The following ARHGAP8 variants were observed in gnomAD, a reference collection of about 807,000 sequenced individuals.
The protein encoded by ARHGAP8 is Rho GTPase activating protein 8, also known as rho GTPase-activating protein 8.
A neutral mutation model predicts 46.1 loss-of-function variants in ARHGAP8; 62 were observed. That is an observed-to-expected ratio of 1.34 (90% CI 1.10 to 1.66). The LOEUF is 1.66. Among genes scored for constraint, ARHGAP8 ranks in the 40% most tolerant of loss-of-function variants. ARHGAP8 has a pLI of 0.00. For synonymous variants in ARHGAP8, 375 were observed against 243.1 expected (o/e 1.54, Z -5.05); for missense variants, 923 against 568.4 (o/e 1.62, Z -6.34).
chr22:44,819,542 A>G (rs1307887243), intron 5 of ARHGAP8, among the ~76,000 whole-genome samples: 1 of 152,108 alleles, frequency 6.6e-6, no homozygotes, highest in Non-Finnish European at 1.5e-5. Context: ...GAGTGGTGGC[A>G]GGCGCCTGTA....
At chr22:44,804,353 A>C (rs902925696) in intron 3 of ARHGAP8, among the ~76,000 whole-genome samples, 1 of 151,766 alleles carries the variant, frequency 6.6e-6, no homozygotes, top group Non-Finnish European at 1.5e-5. Flanking sequence ...TAGCGAGAGC[A>C]GCACCTCTGC....
intron 3 of ARHGAP8, among the ~76,000 whole-genome samples, chr22:44,805,195 C>T (rs986357748): frequency 6.6e-6 from 1 of 152,154 alleles, no homozygotes; most frequent in Non-Finnish European, 1.5e-5. Context: ...CAGCTCTCCC[C>T]GAGGAGGCTG....
intron 2 of ARHGAP8, chr22:44,801,760 G>T: frequency 3.0e-6 from 1 of 332,108 alleles, no homozygotes; most frequent in Non-Finnish European, 5.6e-6. Flanking sequence ...GAAGTCAGAT[G>T]CGTCTCGATT....
chr22:44,766,237 G>A (rs4823371), intron 1 of ARHGAP8: 25,799 of 152,984 alleles, frequency 0.17, 2,348 homozygotes, highest in Middle Eastern at 0.21. Flanking sequence ...GCTGTGGGGC[G>A]GGGCGGGCAG....
chr22:44,861,496 A>C (rs756932844), intron 11 of ARHGAP8, among the ~76,000 whole-genome samples: 41 of 152,082 alleles, frequency 2.7e-4, no homozygotes, highest in East Asian at 5.8e-4. Flanking sequence ...GCATCCAGCC[A>C]TCTCACCTGA....
chr22:44,784,502 C>T (rs1041926538), intron 1 of ARHGAP8, among the ~76,000 whole-genome samples: 9 of 152,160 alleles, frequency 5.9e-5, no homozygotes, highest in Non-Finnish European at 8.8e-5. Context: ...TTGAACAATA[C>T]GGGAGAATGT....
At chr22:44,841,950 C>A (rs1160731214) in intron 7 of ARHGAP8, among the ~76,000 whole-genome samples, 1 of 152,204 alleles carries the variant, frequency 6.6e-6, no homozygotes, top group Non-Finnish European at 1.5e-5. Context: ...CCGTGTGGCT[C>A]CTGATCAGCA....
intron 10 of ARHGAP8, among the ~76,000 whole-genome samples, chr22:44,859,174 A>AATTCAGGTGATGATAG (rs1424675827): frequency 6.6e-6 from 1 of 152,124 alleles, no homozygotes; most frequent in Non-Finnish European, 1.5e-5. Context: ...GAGCTTGTAG[A>AATTCAGGTGATGATAG]ATTCAGGTGA....
intron 1 of ARHGAP8, among the ~76,000 whole-genome samples, chr22:44,754,197 G>A (rs9626240): frequency 0.17 from 25,947 of 152,060 alleles, 2,523 homozygotes; most frequent in South Asian, 0.39. Flanking sequence ...GAGCTGGAAG[G>A]TGGATGGGAG....
rs528056747 is a variant in ARHGAP8 at position 44,831,591 on chromosome 22, C to A, written c.596+5998C>A. Among the ~76,000 whole-genome samples, 18 of 152,192 alleles carry A rather than the reference C, an allele frequency of 1.2e-4. No homozygotes were observed. In the South Asian group the frequency reaches 3.7e-3, roughly 32 times the overall value. ...GCAGGCACCTGTAATCCCAGCTACT[C>A]CGGGGACTGAGACAGGAGAATCGCT... On this transcript the variant is annotated intron_variant, in intron 7 of 11. Transcript: ENST00000356099.
intron 1 of ARHGAP8, among the ~76,000 whole-genome samples, chr22:44,756,783 A>AT (rs1924716730): frequency 6.6e-6 from 1 of 152,062 alleles, no homozygotes; most frequent in African/African-American, 2.4e-5. Flanking sequence ...GCAAACAAAA[A>AT]TAGTACACAT....
intron 7 of ARHGAP8, among the ~76,000 whole-genome samples, 162 bp downstream of exon 7, chr22:44,825,755 G>A (rs967534129): frequency 7.3e-5 from 11 of 151,006 alleles, no homozygotes; most frequent in Non-Finnish European, 1.3e-4. Flanking sequence ...GCCGTGGCTC[G>A]CTGCTCAGTG....
At chr22:44,818,522 C>T (rs1929910043) in intron 5 of ARHGAP8, among the ~76,000 whole-genome samples, 1 of 151,996 alleles carries the variant, frequency 6.6e-6, no homozygotes, top group Non-Finnish European at 1.5e-5. Flanking sequence ...ACCAGACTGC[C>T]TGGGCTCGAC....
At chr22:44,826,436 G>T (rs1402739175) in intron 7 of ARHGAP8, among the ~76,000 whole-genome samples, 1 of 151,882 alleles carries the variant, frequency 6.6e-6, no homozygotes, top group Non-Finnish European at 1.5e-5. Flanking sequence ...CTTTTTTTGG[G>T]GTGGCGGGAA....
At chr22:44,829,482 G>T (rs6007310) in intron 7 of ARHGAP8, among the ~76,000 whole-genome samples, 2,236 of 152,280 alleles carry the variant, frequency 0.015, 59 homozygotes, top group African/African-American at 0.052. Flanking sequence ...ATGCAGGGCT[G>T]TTGGCTTTAA....
intron 9 of ARHGAP8, among the ~76,000 whole-genome samples, chr22:44,848,460 T>C (rs1178148769): frequency 6.6e-6 from 1 of 152,226 alleles, no homozygotes; most frequent in Admixed American, 6.5e-5. Context: ...GAGCTGAGGA[T>C]GCATTGCACT....
intron 5 of ARHGAP8, among the ~76,000 whole-genome samples, chr22:44,821,159 C>T (rs1185306588): frequency 3.9e-5 from 6 of 152,146 alleles, no homozygotes; most frequent in Admixed American, 1.3e-4. Context: ...TGGCCAGGCA[C>T]GGTGGCTCAT....
intron 2 of ARHGAP8, among the ~76,000 whole-genome samples, chr22:44,796,780 G>A (rs1001728): frequency 0.095 from 14,524 of 152,184 alleles, 889 homozygotes; most frequent in African/African-American, 0.16. Context: ...ATAAAGCTGT[G>A]ATTGTTAAGT....
chr22:44,853,508 T>C (rs1022922804), intron 10 of ARHGAP8, among the ~76,000 whole-genome samples: 2 of 152,090 alleles, frequency 1.3e-5, no homozygotes, highest in Admixed American at 6.6e-5. Context: ...TGCGCCGTAG[T>C]TTTCCACGGG....
Sources: gnomAD v4.1 joint callset for allele counts (sites outside exome capture counted in the v4.1 genomes callset) on GRCh38, gnomAD v4.1.1 for gene constraint, MANE v1.5 for transcripts, NCBI Gene and HGNC (gene_info 2026-07-23, HGNC 2026-07-21) for gene names.